The following RNF17 variants were observed in gnomAD, a reference collection of about 807,000 sequenced individuals.
RNF17 encodes the protein ring finger protein 17.
In RNF17, 31 loss-of-function variants were observed where a neutral mutation model predicts 200.5. The ratio of observed to expected loss-of-function variants is 0.15; its 90% confidence interval spans 0.12 to 0.21. RNF17 has a LOEUF of 0.21. Among genes scored for constraint, RNF17 ranks in the 10% least tolerant of loss-of-function variants. The probability of loss-of-function intolerance (pLI) is 1.00; values close to 1 mark genes in which losing one functional copy is unlikely to be tolerated. For synonymous variants in RNF17, 606 were observed against 637.8 expected, an observed-to-expected ratio of 0.95 and a Z score of 0.75; for missense variants, 1,628 against 1,905.1, an observed-to-expected ratio of 0.85 and a Z score of 2.71.
At chr13:24,856,362 G>A (rs1364130969) in intron 25 of RNF17, among the ~76,000 whole-genome samples, 4 of 148,762 alleles carry the variant, frequency 2.7e-5, no homozygotes, top group Non-Finnish European at 4.4e-5. Context: ...AGAGGTTGCC[G>A]TGAGCCAAGA....
intron 25 of RNF17, among the ~76,000 whole-genome samples, chr13:24,854,558 A>C (rs1892266077): frequency 6.6e-6 from 1 of 152,162 alleles, no homozygotes; most frequent in African/African-American, 2.4e-5. Context: ...ACTGGGAGGT[A>C]AGCATGTGCC....
chr13:24,775,727 G>A (rs952155193), intron 3 of RNF17, among the ~76,000 whole-genome samples: 5 of 152,082 alleles, frequency 3.3e-5, no homozygotes, highest in African/African-American at 4.8e-5. Flanking sequence ...TTTTGAATTA[G>A]TAATATCTTT....
chr13:24,763,674 T>C (rs969952427), upstream of RNF17, among the ~76,000 whole-genome samples: 7 of 152,126 alleles, frequency 4.6e-5, no homozygotes, highest in Admixed American at 4.6e-4. Context: ...GCACGCTGCC[T>C]TGTATATTAT....
At chr13:24,773,273 T>C (rs533533250) in intron 2 of RNF17, among the ~76,000 whole-genome samples, 1 of 152,324 alleles carries the variant, frequency 6.6e-6, no homozygotes, top group Non-Finnish European at 1.5e-5. Context: ...ACAGTATCAT[T>C]CACAATAGCA....
chr13:24,882,537 C>T (rs1375849823), downstream of RNF17: 3 of 152,728 alleles, frequency 2.0e-5, no homozygotes, highest in South Asian at 2.1e-4. Flanking sequence ...ACTGGCTAGT[C>T]ATCGTTCATG....
the RNF17 span, among the ~76,000 whole-genome samples, chr13:24,757,864 C>A: frequency 6.6e-6 from 1 of 152,176 alleles, no homozygotes; most frequent in Non-Finnish European, 1.5e-5. Context: ...GGTGTCCCCA[C>A]CCAAATCTCA....
At chr13:24,831,260 G>A (rs1889346565) in intron 17 of RNF17, among the ~76,000 whole-genome samples, 1 of 152,134 alleles carries the variant, frequency 6.6e-6, no homozygotes, top group Non-Finnish European at 1.5e-5. Flanking sequence ...CTAACATGAT[G>A]AAACCCCATC....
At chr13:24,864,564 G>C (rs1376650820) in intron 28 of RNF17, among the ~76,000 whole-genome samples, 2 of 152,030 alleles carry the variant, frequency 1.3e-5, no homozygotes, top group Admixed American at 1.3e-4. Context: ...TTTGTACGTA[G>C]TGTAATTTAT....
At chr13:24,782,775 G>A (rs1882594787) in intron 6 of RNF17, among the ~76,000 whole-genome samples, 1 of 151,976 alleles carries the variant, frequency 6.6e-6, no homozygotes, top group Non-Finnish European at 1.5e-5. Context: ...GTTGCTATTG[G>A]GTTATAGCAA....
the RNF17 span, among the ~76,000 whole-genome samples, chr13:24,757,483 C>A: frequency 2.0e-5 from 3 of 152,076 alleles, no homozygotes; most frequent in Non-Finnish European, 4.4e-5. Flanking sequence ...GCCACCATGC[C>A]TGGCTAATTT....
chr13:24,858,415 T>C (rs2863942), intron 25 of RNF17, among the ~76,000 whole-genome samples: 52,743 of 151,566 alleles, frequency 0.35, 9,793 homozygotes, highest in Admixed American at 0.43. Context: ...GTACTGTTAT[T>C]CCCAGAAGAT....
At chr13:24,857,135 T>C (rs184625009) in intron 25 of RNF17, among the ~76,000 whole-genome samples, 251 of 152,180 alleles carry the variant, frequency 1.6e-3, no homozygotes, top group Admixed American at 3.3e-3. Context: ...ATAGAAGTAA[T>C]GAAGTTTGGT....
intron 16 of RNF17, among the ~76,000 whole-genome samples, chr13:24,827,726 A>AAAAAAAAAAAAAAAAAAAAAAAAAT (rs1888886903): frequency 6.8e-6 from 1 of 147,028 alleles, no homozygotes. Flanking sequence ...AACAAAAAAA[A>AAAAAAAAAAAAAAAAAAAAAAAAAT]AAAAACAATA....
rs748172486 is a variant in RNF17, at chr13:24,845,069, G to A, written c.3091G>A (p.Val1031Ile). The A allele has an allele frequency of 6.7e-7, 1 of 1,486,738 alleles. No individual in the cohort carries two copies. Among genetic ancestry groups the A allele is most frequent in the South Asian group, 1.1e-5 (1 of 87,664 alleles). 92.1% of individuals were successfully genotyped at this position (1,486,738 alleles called of 1,614,324 possible). A position where few individuals can be genotyped will look rare whatever the true frequency, so the allele number is the denominator to read the frequency against. Residue 1031 changes from valine to isoleucine, a missense_variant, in exon 22 of 36, where the codon GTT becomes ATT. Physicochemically the swap from Val to Ile is conservative, Grantham distance 29. Coordinates refer to ENST00000255324, the MANE Select transcript of RNF17 (RefSeq NM_031277.3). ...MGRLSLECSL[V>I]DIRPAGGSDK... ...AAGACTCTCTTTGGAATGTTCTCTGGTTGACATAAGGTAGTTTTTAGCTGA... is the reference window on the plus strand; with the variant it reads ...AAGACTCTCTTTGGAATGTTCTCTGATTGACATAAGGTAGTTTTTAGCTGA...
At chr13:24,838,710 C>G (rs923582355) in intron 18 of RNF17, among the ~76,000 whole-genome samples, 1 of 152,096 alleles carries the variant, frequency 6.6e-6, no homozygotes, top group African/African-American at 2.4e-5. Flanking sequence ...CCACAGCCAA[C>G]GTAATTCTGA....
downstream of RNF17, chr13:24,883,401 A>C: frequency 7.0e-7 from 1 of 1,425,354 alleles, no homozygotes. Flanking sequence ...TGATTTCTTA[A>C]AAAAAAAATA....
At chr13:24,776,349 A>G (rs1881565374) in intron 3 of RNF17, among the ~76,000 whole-genome samples, 1 of 152,216 alleles carries the variant, frequency 6.6e-6, no homozygotes, top group Non-Finnish European at 1.5e-5. Flanking sequence ...GGCACTTCAC[A>G]TTACCACCGT....
At chr13:24,832,287 C>T (rs972161858) in intron 18 of RNF17, among the ~76,000 whole-genome samples, 2 of 152,128 alleles carry the variant, frequency 1.3e-5, no homozygotes, top group Non-Finnish European at 2.9e-5. Context: ...ATAGTGGATG[C>T]TAACGTTTAA....
chr13:24,754,570 C>A, the RNF17 span, among the ~76,000 whole-genome samples: 1 of 152,144 alleles, frequency 6.6e-6, no homozygotes, highest in Non-Finnish European at 1.5e-5. Context: ...ACAGTCCTCC[C>A]TGTTCCTACC....
Sources: allele counts gnomAD v4.1 joint callset (sites outside exome capture counted in the v4.1 genomes callset), GRCh38; gene constraint gnomAD v4.1.1; transcripts MANE v1.5; gene names NCBI Gene and HGNC (gene_info 2026-07-23, HGNC 2026-07-21).